Variants in RHOBTB2 observed in about 807,000 individuals in gnomAD.
RHOBTB2 encodes the protein Rho related BTB domain containing 2, also known as rho-related BTB domain-containing protein 2.
In RHOBTB2, 39 loss-of-function variants were observed where a neutral mutation model predicts 66.5. The ratio of observed to expected loss-of-function variants is 0.59; its 90% CI spans 0.45 to 0.77. RHOBTB2 has a LOEUF of 0.77. RHOBTB2 is among the 30% of genes least tolerant of loss of function. The probability of loss-of-function intolerance (pLI) is 0.00; values close to 1 mark genes in which losing one functional copy is unlikely to be tolerated. For missense variants in RHOBTB2, 755 were observed against 999.1 expected (o/e 0.76, Z 3.29); for synonymous variants, 390 against 395.0 (o/e 0.99, Z 0.15).
the RHOBTB2 span, among the ~76,000 whole-genome samples, chr8:22,955,006 C>T: frequency 6.6e-6 from 1 of 152,164 alleles, no homozygotes; most frequent in Admixed American, 6.5e-5. Flanking sequence ...TGGAGCACGC[C>T]TGTAGTCCCA....
chr8:22,981,387 G>A, the RHOBTB2 span, among the ~76,000 whole-genome samples: 1 of 152,174 alleles, frequency 6.6e-6, no homozygotes, highest in South Asian at 2.1e-4. Context: ...GGAGCTACCC[G>A]CAGCTCATTC....
rs577826598 is a variant in RHOBTB2 at position 23,020,082 on chromosome 8, G to C, written c.*2613G>C. On this transcript the variant is annotated 3_prime_UTR_variant, in exon 10 of 10. Transcript: ENST00000251822. ...CCCTGGTTTCCTGTCACTCAGAGCTGATTCACAGGAGGAGGGGAGGTTGGG... is the reference window on the plus strand; with the variant it reads ...CCCTGGTTTCCTGTCACTCAGAGCTCATTCACAGGAGGAGGGGAGGTTGGG... The C allele has an allele frequency of 2.7e-6, 1 of 365,612 alleles. No homozygotes were observed. Among genetic ancestry groups the C allele is most frequent in the East Asian group, 7.3e-5 (1 of 13,718 alleles). The allele number at this position is 365,612 out of a possible 1,614,324, so 22.6% of individuals were successfully genotyped here. A position where few individuals can be genotyped will look rare whatever the true frequency, so the allele number is the denominator to read the frequency against.
At chr8:22,992,134 C>T (rs1810441445) in exon 2 of RHOBTB2, 1 of 152,198 alleles carries the variant, frequency 6.6e-6, no homozygotes, top group African/African-American at 2.4e-5. Flanking sequence ...TCATCCCTGA[C>T]ATCAACTGTC....
At chr8:22,977,560 C>T in the RHOBTB2 span, among the ~76,000 whole-genome samples, 66 of 106,784 alleles carry the variant, frequency 6.2e-4, no homozygotes, top group South Asian at 0.017. Context: ...TGACAGAATG[C>T]GACCCTTTCT....
At position 23,015,655 on chromosome 8, in the gene RHOBTB2, G is replaced by T; in HGVS notation, c.1878G>T (p.Gln626His). Residue 626 changes from glutamine (Q) to histidine (H), a missense_variant, in exon 9 of 10, where the codon CAG becomes CAT. Transcript: ENST00000251822. Reference protein sequence around the residue: ...LELAQFHCAYQLADWCLHHIC... With the variant: ...LELAQFHCAYHLADWCLHHIC... Reference sequence around the variant, plus strand: ...GTCCCCAGTTCCACTGTGCGTACCAGCTGGCCGACTGGTGTCTCCACCACA... The same window carrying T: ...GTCCCCAGTTCCACTGTGCGTACCATCTGGCCGACTGGTGTCTCCACCACA... 1 of 1,613,624 alleles carries T rather than the reference G, an allele frequency of 6.2e-7. No individual in the cohort carries two copies. The highest frequency in any genetic ancestry group is 8.5e-7 in the Non-Finnish European group (1 of 1,179,604).
upstream of RHOBTB2, chr8:22,995,962 C>T: frequency 7.3e-7 from 1 of 1,377,906 alleles, no homozygotes; most frequent in Admixed American, 2.0e-5. Context: ...TGGACTGAGC[C>T]AGGCGGTCTG....
the RHOBTB2 span, among the ~76,000 whole-genome samples, chr8:22,957,686 G>A: frequency 3.3e-5 from 5 of 152,178 alleles, no homozygotes; most frequent in Non-Finnish European, 7.3e-5. Context: ...GCAAAATATC[G>A]CCAGGCCAAC....
the RHOBTB2 span, among the ~76,000 whole-genome samples, chr8:22,962,179 C>A: frequency 7.2e-5 from 1 of 13,834 alleles, no homozygotes; most frequent in Non-Finnish European, 1.2e-4. Context: ...AACGAATTTA[C>A]AAAAAAAAAA....
At chr8:22,987,866 AG>A (rs1302552395) in intron 1 of RHOBTB2, among the ~76,000 whole-genome samples, 1 of 152,166 alleles carries the variant, frequency 6.6e-6, no homozygotes, top group African/African-American at 2.4e-5. Flanking sequence ...GAGGGTGTCC[AG>A]GGGGAGTGTC....
chr8:23,013,183 C>G (rs898327671), intron 7 of RHOBTB2, among the ~76,000 whole-genome samples: 6 of 152,058 alleles, frequency 3.9e-5, no homozygotes, highest in Admixed American at 6.5e-5. Context: ...ATCCTCCCAT[C>G]TCGGCTTCCC....
the RHOBTB2 span, among the ~76,000 whole-genome samples, chr8:22,974,752 GGGGAGAGAAAGGGCTGCT>G: frequency 4.6e-5 from 7 of 152,114 alleles, no homozygotes; most frequent in Non-Finnish European, 8.8e-5. Flanking sequence ...TGACCAGCAG[GGGGAGAGAAAGGGCTGCT>G]GGGAGCTGCA....
chr8:22,999,320 G>A (rs2466191), upstream of RHOBTB2, among the ~76,000 whole-genome samples: 114,700 of 151,990 alleles, frequency 0.75, 44,528 homozygotes, highest in Non-Finnish European at 0.83. Flanking sequence ...AACCCCGTGG[G>A]CGTCCGGAGA....
chr8:22,960,911 A>G, the RHOBTB2 span, among the ~76,000 whole-genome samples: 5 of 152,176 alleles, frequency 3.3e-5, no homozygotes, highest in Non-Finnish European at 5.9e-5. Flanking sequence ...GTAGGTTATC[A>G]GCTTCAAACC....
the RHOBTB2 span, among the ~76,000 whole-genome samples, chr8:22,951,401 G>C: frequency 6.6e-6 from 1 of 152,066 alleles, no homozygotes; most frequent in African/African-American, 2.4e-5. Context: ...TCCATGTAAA[G>C]AGTCCACCAA....
intron 1 of RHOBTB2, among the ~76,000 whole-genome samples, chr8:23,003,211 C>G (rs1481244931): frequency 1.3e-5 from 2 of 152,242 alleles, no homozygotes; most frequent in Non-Finnish European, 2.9e-5. Flanking sequence ...GGCCCTGCCC[C>G]TGCTCCCTAA....
At chr8:23,015,803 C>A in intron 9 of RHOBTB2, 60 bp downstream of exon 9, 1 of 1,172,688 alleles carries the variant, frequency 8.5e-7, no homozygotes, top group South Asian at 1.3e-5. Flanking sequence ...GTGCACAGCT[C>A]CCATGTAATC....
chr8:22,995,882 G>T (rs529567354), upstream of RHOBTB2: 2 of 1,551,550 alleles, frequency 1.3e-6, no homozygotes, highest in Non-Finnish European at 1.7e-6. Context: ...ATGAAAGCGC[G>T]GTTAGTAGCC....
At chr8:23,012,541 T>C (rs2472563) in intron 7 of RHOBTB2, among the ~76,000 whole-genome samples, 129,709 of 152,218 alleles carry the variant, frequency 0.85, 55,326 homozygotes, top group East Asian at 0.96. Context: ...TTAATTCAAG[T>C]TGAAAACTTT....
At chr8:22,963,579 C>A in the RHOBTB2 span, among the ~76,000 whole-genome samples, 1 of 151,930 alleles carries the variant, frequency 6.6e-6, no homozygotes, top group Non-Finnish European at 1.5e-5. Flanking sequence ...CATTCTCACG[C>A]CGCTGATAAA....
Sources: allele counts gnomAD v4.1 joint callset (sites outside exome capture counted in the v4.1 genomes callset), GRCh38; gene constraint gnomAD v4.1.1; transcripts MANE v1.5; gene names NCBI Gene and HGNC (gene_info 2026-07-23, HGNC 2026-07-21).